The following ELMO1 variants were observed in gnomAD, a reference collection of about 807,000 sequenced individuals.
The protein encoded by ELMO1 is engulfment and cell motility protein 1.
A neutral mutation model predicts 98.9 loss-of-function variants in ELMO1; 26 were observed. The observed-to-expected ratio is 0.26, with a 90% CI of 0.19 to 0.36. The LOEUF (loss-of-function observed/expected upper bound fraction) is 0.36, where lower values mean the gene tolerates loss of function less well. ELMO1 is among the 10% of genes least tolerant of loss of function. The probability of loss-of-function intolerance (pLI) is 1.00; values close to 1 mark genes in which losing one functional copy is unlikely to be tolerated. For synonymous variants in ELMO1, 346 were observed against 346.0 expected (o/e 1.00, Z 0.00); for missense variants, 627 against 935.2 (o/e 0.67, Z 4.30).
intron 16 of ELMO1, among the ~76,000 whole-genome samples, chr7:36,962,979 G>A (rs1330839724): frequency 3.9e-5 from 6 of 152,306 alleles, no homozygotes; most frequent in East Asian, 3.9e-4. Context: ...GAATGTTCAC[G>A]CAGTATTATT....
intron 15 of ELMO1, among the ~76,000 whole-genome samples, chr7:37,031,499 G>C (rs1173271366): frequency 6.6e-6 from 1 of 152,114 alleles, no homozygotes; most frequent in Non-Finnish European, 1.5e-5. Context: ...GCTCCTCAGT[G>C]GTAACTCCTG....
intron 16 of ELMO1, among the ~76,000 whole-genome samples, chr7:36,903,867 G>A (rs760023340): frequency 2.0e-5 from 3 of 152,168 alleles, no homozygotes; most frequent in East Asian, 1.9e-4. Context: ...AACTGCTCCC[G>A]ACAGCACGGA....
intron 18 of ELMO1, among the ~76,000 whole-genome samples, chr7:36,878,586 C>G (rs1414209883): frequency 6.6e-6 from 1 of 152,154 alleles, no homozygotes; most frequent in Non-Finnish European, 1.5e-5. Flanking sequence ...TACAACAAAC[C>G]CCTACCCTAG....
At chr7:37,104,400 A>G (rs1268385136) in intron 14 of ELMO1, among the ~76,000 whole-genome samples, 2 of 152,116 alleles carry the variant, frequency 1.3e-5, no homozygotes, top group East Asian at 3.8e-4. Context: ...AGGCTCCCCT[A>G]GGGTTTGATT....
At chr7:36,993,489 G>A (rs1229458107) in intron 16 of ELMO1, among the ~76,000 whole-genome samples, 2 of 152,124 alleles carry the variant, frequency 1.3e-5, no homozygotes, top group Admixed American at 6.5e-5. Flanking sequence ...GAGCCAGATC[G>A]CTTCAAACTG....
Position 37,404,289 on chromosome 7 carries a change from C to T in ELMO1, c.-74+44386G>A, listed in dbSNP as rs1803658254. ...AATGTCTAGGTGGCTCCCCCTTCCA[C>T]CTTCACTCCGTGTGGCAGGCCTCTC... On this transcript the variant is annotated intron_variant, in intron 1 of 21. Coordinates refer to ENST00000310758, the MANE Select transcript of ELMO1 (RefSeq NM_014800.11). Among the ~76,000 whole-genome samples the T allele has an allele frequency of 1.3e-5, 2 of 151,960 alleles. 1 individual carries two copies. Among genetic ancestry groups the T allele is most frequent in the South Asian group, 4.2e-4 (2 of 4,810 alleles).
chr7:36,966,546 T>C (rs1045861854), intron 16 of ELMO1, among the ~76,000 whole-genome samples: 3 of 152,332 alleles, frequency 2.0e-5, no homozygotes, highest in African/African-American at 7.2e-5. Flanking sequence ...CCTTTCTCAA[T>C]CAATAATTCT....
At chr7:36,985,268 T>C (rs978880681) in intron 16 of ELMO1, among the ~76,000 whole-genome samples, 2 of 152,162 alleles carry the variant, frequency 1.3e-5, no homozygotes, top group African/African-American at 4.8e-5. Flanking sequence ...AATAGAGTCA[T>C]TTTGAAGCAT....
At chr7:37,191,418 G>C (rs1791569378) in intron 13 of ELMO1, among the ~76,000 whole-genome samples, 3 of 151,044 alleles carry the variant, frequency 2.0e-5, no homozygotes, top group Admixed American at 2.0e-4. Context: ...AAAAATAGAA[G>C]GTACAAATAA....
intron 16 of ELMO1, among the ~76,000 whole-genome samples, chr7:36,991,560 A>C (rs1431754986): frequency 6.6e-6 from 1 of 152,248 alleles, no homozygotes; most frequent in East Asian, 1.9e-4. Context: ...AACTGAACAT[A>C]GTCAGAAGAC....
chr7:36,984,808 A>G, intron 16 of ELMO1: 4 of 761,370 alleles, frequency 5.3e-6, no homozygotes, highest in Non-Finnish European at 4.8e-6. Context: ...AAAAAGTAAC[A>G]TGATGAATCC....
chr7:37,366,699 C>G (rs1882069), intron 1 of ELMO1, among the ~76,000 whole-genome samples: 33,634 of 152,138 alleles, frequency 0.22, 4,756 homozygotes, highest in East Asian at 0.59. Flanking sequence ...TAATCTCCCC[C>G]CTGTAGCATC....
chr7:37,301,680 T>C (rs1266478739), intron 4 of ELMO1, among the ~76,000 whole-genome samples: 1 of 152,196 alleles, frequency 6.6e-6, no homozygotes, highest in Non-Finnish European at 1.5e-5. Flanking sequence ...CACTTTTATT[T>C]TTTGACTTTA....
chr7:37,053,703 A>G (rs1420528476), intron 15 of ELMO1, among the ~76,000 whole-genome samples: 1 of 152,200 alleles, frequency 6.6e-6, no homozygotes, highest in Non-Finnish European at 1.5e-5. Context: ...GGTTTTACTT[A>G]GCAGTCATTT....
chr7:37,257,805 T>TC (rs1305351723), intron 6 of ELMO1, among the ~76,000 whole-genome samples: 12 of 142,672 alleles, frequency 8.4e-5, no homozygotes, highest in East Asian at 4.2e-4. Context: ...ATCGAGACCA[T>TC]CTGGCTGACA....
intron 7 of ELMO1, among the ~76,000 whole-genome samples, chr7:37,235,273 C>T (rs1055084012): frequency 6.6e-6 from 1 of 151,936 alleles, no homozygotes; most frequent in African/African-American, 2.4e-5. Context: ...AAAAAGACTG[C>T]CTCAGGAAAA....
chr7:37,223,038 G>A (rs1171682948), intron 9 of ELMO1, among the ~76,000 whole-genome samples: 1 of 152,196 alleles, frequency 6.6e-6, no homozygotes, highest in African/African-American at 2.4e-5. Flanking sequence ...GTATGTATGT[G>A]TATGTGTATG....
intron 4 of ELMO1, among the ~76,000 whole-genome samples, chr7:37,312,158 T>C (rs778451964): frequency 1.3e-5 from 2 of 152,206 alleles, no homozygotes; most frequent in Non-Finnish European, 2.9e-5. Context: ...AGTGGTACAG[T>C]CTTGGCTCAC....
At chr7:37,218,343 T>A (rs1281322114) in intron 10 of ELMO1, among the ~76,000 whole-genome samples, 1 of 152,218 alleles carries the variant, frequency 6.6e-6, no homozygotes, top group African/African-American at 2.4e-5. Context: ...CATAAGACTG[T>A]GAGTCCCTCA....
Sources: allele counts gnomAD v4.1 joint callset (sites outside exome capture counted in the v4.1 genomes callset), GRCh38; gene constraint gnomAD v4.1.1; transcripts MANE v1.5; gene names NCBI Gene and HGNC (gene_info 2026-07-23, HGNC 2026-07-21).